The following SMCO1 variants were observed in gnomAD, a reference collection of about 807,000 sequenced individuals.
The protein encoded by SMCO1 is single-pass membrane and coiled-coil domain-containing protein 1.
SMCO1 carries 9 observed loss-of-function variants against 7.5 expected under a neutral mutation model. The ratio of observed to expected loss-of-function variants is 1.20; its 90% confidence interval spans 0.72 to 2.09. SMCO1 has a LOEUF of 2.09. SMCO1 is among the 30% of genes most tolerant of loss of function. SMCO1 has a pLI of 0.00. For missense variants in SMCO1, 219 were observed against 253.1 expected (o/e 0.87, Z 0.91); for synonymous variants, 90 against 93.8 (o/e 0.96, Z 0.23).
chr3:196,520,249 G>T (rs1356783431), upstream of SMCO1, among the ~76,000 whole-genome samples: 7 of 152,156 alleles, frequency 4.6e-5, no homozygotes, highest in East Asian at 1.3e-3. Context: ...AAGGGCAAAT[G>T]GTCTGAGGTC....
chr3:196,509,395 C>A, intron 2 of SMCO1, 125 bp downstream of exon 2: 4 of 859,716 alleles, frequency 4.7e-6, no homozygotes, highest in South Asian at 2.0e-5. Context: ...AATAAATGAA[C>A]CTAAGAAAAT....
the SMCO1 span, among the ~76,000 whole-genome samples, chr3:196,520,859 T>C: frequency 6.6e-6 from 1 of 152,222 alleles, no homozygotes; most frequent in Admixed American, 6.5e-5. Context: ...AGAATAGTTA[T>C]AATACAAATT....
At chr3:196,514,963 A>G (rs1013696479) in intron 1 of SMCO1, 197 bp downstream of exon 1, 15 of 608,494 alleles carry the variant, frequency 2.5e-5, no homozygotes, top group African/African-American at 1.9e-4. Flanking sequence ...GCTGGTCTCA[A>G]TCTCTTGACC....
chr3:196,512,301 G>A (rs1045110795), intron 1 of SMCO1, among the ~76,000 whole-genome samples: 7 of 152,140 alleles, frequency 4.6e-5, no homozygotes, highest in Non-Finnish European at 1.0e-4. Context: ...ACATGCCTGG[G>A]CCACCTAGAT....
chr3:196,508,320 AT>A lies in SMCO1; in HGVS notation c.211del (p.Met71TrpfsTer3). ...GTAGCTGTATAAAATATTCAATTCC[AT>A]TGAAGTGAGCCTACAAAAAATATGG... ...TAVRALQLTS[M>X]ELNILYSYVI... On this transcript the variant is annotated frameshift_variant, in exon 3 of 3. Transcript: ENST00000397537. LOFTEE classifies it low-confidence loss of function (END_TRUNC). 1 of 1,597,796 alleles carries A rather than the reference AT, an allele frequency of 6.3e-7. No homozygotes were observed. Among genetic ancestry groups the A allele is most frequent in the Non-Finnish European group, 8.5e-7 (1 of 1,171,446 alleles).
At position 196,509,579 on chromosome 3, in the gene SMCO1, A is replaced by G; in HGVS notation, c.141T>C (p.Ser47=). The G allele has an allele frequency of 6.2e-7, 1 of 1,614,050 alleles. No individual in the cohort carries two copies. Among genetic ancestry groups the G allele is most frequent in the South Asian group, 1.1e-5 (1 of 91,078 alleles). The part of the protein sequence containing the change: ...DNLMQKFEHH[S]KALASQAAQD... ...GGGCTGCTTGGCTTGCCAAAGCCTT[A>G]CTATGATGTTCGAATTTCTGCATCA... is the stretch of plus-strand genomic sequence containing the variant. Residue 47 remains serine (S), a synonymous_variant, in exon 2 of 3, where the codon AGT becomes AGC. Transcript: ENST00000397537.
At chr3:196,509,787 TTTTTTAC>T in intron 1 of SMCO1, 118 bp from the exon 2 acceptor site, 2 of 857,008 alleles carry the variant, frequency 2.3e-6, no homozygotes, top group African/African-American at 1.7e-5. Context: ...TAACTTTTTT[TTTTTTAC>T]TTTTACTTTA....
At chr3:196,509,158 T>A (rs1733144160) in intron 2 of SMCO1, among the ~76,000 whole-genome samples, 1 of 148,438 alleles carries the variant, frequency 6.7e-6, no homozygotes, top group Admixed American at 6.7e-5. Context: ...CACGCCATTC[T>A]CCTGCCTCAG....
At chr3:196,512,258 GC>G (rs1402986509) in intron 1 of SMCO1, among the ~76,000 whole-genome samples, 1 of 151,844 alleles carries the variant, frequency 6.6e-6, no homozygotes, top group Non-Finnish European at 1.5e-5. Flanking sequence ...AGGGAAACTT[GC>G]CTGGGCCAAG....
chr3:196,511,213 G>C (rs1733217651), intron 1 of SMCO1, among the ~76,000 whole-genome samples: 2 of 134,970 alleles, frequency 1.5e-5, no homozygotes, highest in South Asian at 2.2e-4. Context: ...GTCTTTATGA[G>C]GGAAACTTGC....
upstream of SMCO1, among the ~76,000 whole-genome samples, chr3:196,516,521 A>G (rs138290002): frequency 4.6e-5 from 7 of 152,302 alleles, no homozygotes; most frequent in African/African-American, 1.7e-4. Flanking sequence ...TAACCACACC[A>G]TTTAAACTGG....
Position 196,507,832 on chromosome 3 carries a change from GC to G in SMCO1, c.*54del. On this transcript the variant is annotated 3_prime_UTR_variant, in exon 3 of 3. Coordinates refer to ENST00000397537, the MANE Select transcript of SMCO1 (RefSeq NM_001077657.3). ...CTATAATAAATTGTGCATACTTTTT[GC>G]TGTTTCCAAGATAAATTACTGTAGG... 1.9e-6 allele frequency: 2 copies of G among 1,054,932 alleles called. No homozygotes were observed. The highest frequency in any genetic ancestry group is 3.1e-5 in the South Asian group (2 of 65,032). The allele number at this position is 1,054,932 out of a possible 1,614,324, so 65.3% of individuals were successfully genotyped here. A position where few individuals can be genotyped will look rare whatever the true frequency, so the allele number is the denominator to read the frequency against.
chr3:196,515,988 GATATATATATAT>G (rs200613159), upstream of SMCO1, among the ~76,000 whole-genome samples: 88 of 23,894 alleles, frequency 3.7e-3, 2 homozygotes, highest in African/African-American at 4.3e-3. Context: ...AAGAGGATAG[GATATATATATAT>G]ATATATATAT....
intron 1 of SMCO1, among the ~76,000 whole-genome samples, chr3:196,512,585 C>T (rs1490202603): frequency 2.8e-5 from 4 of 145,116 alleles, no homozygotes; most frequent in Non-Finnish European, 5.9e-5. Context: ...GATCCTGGCT[C>T]ACTGCAACCT....
upstream of SMCO1, among the ~76,000 whole-genome samples, chr3:196,518,847 G>C (rs776258312): frequency 1.9e-4 from 29 of 152,302 alleles, no homozygotes. Flanking sequence ...TGGATGTCAG[G>C]CTTACTGGGG....
At chr3:196,513,155 C>G (rs1343740951) in intron 1 of SMCO1, among the ~76,000 whole-genome samples, 2 of 151,446 alleles carry the variant, frequency 1.3e-5, no homozygotes, top group Non-Finnish European at 2.9e-5. Flanking sequence ...ATAGTGAGAC[C>G]TCATCTCTAC....
chr3:196,515,376 A>G, upstream of SMCO1: 1 of 599,390 alleles, frequency 1.7e-6, no homozygotes, highest in South Asian at 2.0e-5. Flanking sequence ...GAAGCTTTTA[A>G]TAGCCTGCAG....
intron 1 of SMCO1, among the ~76,000 whole-genome samples, chr3:196,511,545 A>C (rs1733231592): frequency 1.2e-5 from 1 of 83,432 alleles, no homozygotes; most frequent in Non-Finnish European, 2.1e-5. Flanking sequence ...TGTCCTTATG[A>C]GGGAAACCTG....
Position 196,511,439 on chromosome 3 carries a change from A to T in SMCO1, c.51-1770T>A, listed in dbSNP as rs1173356856. Reference sequence around the variant, plus strand: ...CCACCTAGATTGTCCTTATGAGGGAAACCTGCCTGAGCCACCTAGATTCTC... The same window carrying T: ...CCACCTAGATTGTCCTTATGAGGGATACCTGCCTGAGCCACCTAGATTCTC... On this transcript the variant is annotated intron_variant, in intron 1 of 2. Coordinates refer to ENST00000397537, the MANE Select transcript of SMCO1 (RefSeq NM_001077657.3). 7.6e-5 allele frequency among the ~76,000 whole-genome samples: 8 copies of T among 104,782 alleles called. 1 individual carries two copies. The highest frequency in any genetic ancestry group is 1.2e-4 in the Non-Finnish European group (6 of 51,804). 68.7% of individuals were successfully genotyped at this position (104,782 alleles called of 152,430 possible). A position where few individuals can be genotyped will look rare whatever the true frequency, so the allele number is the denominator to read the frequency against.
Sources: gnomAD v4.1 joint callset for allele counts (sites outside exome capture counted in the v4.1 genomes callset) on GRCh38, gnomAD v4.1.1 for gene constraint, MANE v1.5 for transcripts, NCBI Gene and HGNC (gene_info 2026-07-23, HGNC 2026-07-21) for gene names.